The following SLC24A1 variants were observed in gnomAD, a reference collection of about 807,000 sequenced individuals.
SLC24A1 encodes solute carrier family 24 member 1.
SLC24A1 carries 52 observed loss-of-function variants against 88.1 expected under a neutral mutation model. That is an observed-to-expected ratio of 0.59 (90% CI 0.47 to 0.74). The LOEUF is 0.74. SLC24A1 is among the 30% of genes least tolerant of loss of function. SLC24A1 has a pLI of 0.00. For synonymous variants in SLC24A1, 455 were observed against 498.0 expected (o/e 0.91, Z 1.15); for missense variants, 1,173 against 1,363.3 (o/e 0.86, Z 2.20).
chr15:65,652,630 G>A lies in SLC24A1; in HGVS notation c.2884-12G>A. ...GGTTTTTCACCTACTGTTGACCGTTGCCGTTTACCAGGTTGGTGAAACAAT... is the reference window on the plus strand; with the variant it reads ...GGTTTTTCACCTACTGTTGACCGTTACCGTTTACCAGGTTGGTGAAACAAT... On this transcript the variant is annotated splice_polypyrimidine_tract_variant and intron_variant, in intron 8 of 9. Coordinates refer to ENST00000261892, the MANE Select transcript of SLC24A1 (RefSeq NM_004727.3). 1 of 1,613,264 alleles carries A rather than the reference G, an allele frequency of 6.2e-7. No homozygotes were observed.
Position 65,644,476 on chromosome 15 carries a change from A to G in SLC24A1, c.2103A>G (p.Arg701=), listed in dbSNP as rs1358113812. ...AGGAGAGCTTGAATCAAGGGGCCAG[A>G]GCCCAACCCCAGGCCAAAGCAGAAA... ...KEEESLNQGA[R]AQPQAKAESK... is the part of the protein sequence containing the mutation. Residue 701 remains arginine, a synonymous_variant, in exon 5 of 10, where the codon AGA becomes AGG. Coordinates refer to ENST00000261892, the MANE Select transcript of SLC24A1 (RefSeq NM_004727.3). The G allele has an allele frequency of 6.3e-7, 1 of 1,597,096 alleles. No individual in the cohort carries two copies. Among genetic ancestry groups the G allele is most frequent in the African/African-American group, 1.3e-5 (1 of 74,664 alleles).
At position 65,624,902 on chromosome 15, in the gene SLC24A1, C is replaced by T. The variant is rs532760023; in HGVS notation, c.822C>T (p.Ser274=). ...CAAACGTCTTGACTTCTCCAAGGAGCGTCATGGAAAAAAACAACCTGTTTC... is the reference window on the plus strand; with the variant it reads ...CAAACGTCTTGACTTCTCCAAGGAGTGTCATGGAAAAAAACAACCTGTTTC... ...VEANVLTSPR[S]VMEKNNLFPP... is the part of the protein sequence containing the mutation. The change falls in exon 2 of 10, where the codon AGC becomes AGT. Residue 274 remains serine, a synonymous_variant. Coordinates refer to ENST00000261892, the MANE Select transcript of SLC24A1 (RefSeq NM_004727.3). 5.6e-6 allele frequency: 9 copies of T among 1,613,346 alleles called. No homozygotes were observed. Among genetic ancestry groups the T allele is most frequent in the South Asian group, 1.1e-5 (1 of 91,026 alleles).
Position 65,654,842 on chromosome 15 carries a change from C to A in SLC24A1, c.*763C>A. The A allele has an allele frequency of 1.9e-6, 2 of 1,062,948 alleles. No homozygotes were observed. Among genetic ancestry groups the A allele is most frequent in the South Asian group, 1.6e-5 (1 of 63,592 alleles). The allele number at this position is 1,062,948 out of a possible 1,614,324, so 65.8% of individuals were successfully genotyped here. ...TGCCTCAGCCTGAAGTCGTGATCTG[C>A]CCGCCTCGGCCTCCCAAAGTGCTGG... On this transcript the variant is annotated 3_prime_UTR_variant, in exon 10 of 10. Coordinates refer to ENST00000261892, the MANE Select transcript of SLC24A1 (RefSeq NM_004727.3).
At position 65,654,925 on chromosome 15, in the gene SLC24A1, G is replaced by A; in HGVS notation, c.*846G>A. ...TACCAGTATTTTCTAGTTTAAAGGA[G>A]GACTACATTAACTCTTATTGTTGTG... On this transcript the variant is annotated 3_prime_UTR_variant, in exon 10 of 10. Transcript: ENST00000261892. 2 of 1,093,062 alleles carry A rather than the reference G, an allele frequency of 1.8e-6. No individual in the cohort carries two copies. Among genetic ancestry groups the A allele is most frequent in the South Asian group, 2.2e-5 (1 of 45,150 alleles). The allele number at this position is 1,093,062 out of a possible 1,614,324, so 67.7% of individuals were successfully genotyped here. A position where few individuals can be genotyped will look rare whatever the true frequency, so the allele number is the denominator to read the frequency against.
At chr15:65,623,906 C>A (rs2141453820) in intron 1 of SLC24A1, 49 bp from the exon 2 acceptor site, 2 of 552,884 alleles carry the variant, frequency 3.6e-6, no homozygotes, top group South Asian at 3.3e-5. Context: ...TGTTATGGAT[C>A]CCAGATCTCC....
Position 65,625,137 on chromosome 15 carries a change from A to C in SLC24A1, c.1057A>C (p.Ser353Arg), listed in dbSNP as rs1322149179. ...TCTTAGGAATCCTTCACCCAGGACCAGTGTATCAGCCATCAAAACAGCCCC... is the reference window on the plus strand; with the variant it reads ...TCTTAGGAATCCTTCACCCAGGACCCGTGTATCAGCCATCAAAACAGCCCC... ...WSLRNPSPRTSVSAIKTAPAI... is the reference protein window; with the variant it reads ...WSLRNPSPRTRVSAIKTAPAI... Residue 353 changes from serine (S) to arginine (R), a missense_variant, in exon 2 of 10, where the codon AGT (serine) becomes CGT (arginine). Ser to Arg is a moderately radical substitution (Grantham distance 110). Coordinates refer to ENST00000261892, the MANE Select transcript of SLC24A1 (RefSeq NM_004727.3). 1.2e-6 allele frequency: 2 copies of C among 1,613,690 alleles called. No individual in the cohort carries two copies. The highest frequency in any genetic ancestry group is 2.7e-5 in the African/African-American group (2 of 75,038).
At chr15:65,645,470 C>A in intron 5 of SLC24A1, 142 bp from the exon 6 acceptor site, 4 of 698,616 alleles carry the variant, frequency 5.7e-6, no homozygotes, top group African/African-American at 5.3e-5. Context: ...CTTACTTTTC[C>A]TACCAACAAG....
rs1416599208 is a variant in SLC24A1 at position 65,652,657 on chromosome 15, G to A, written c.2899G>A (p.Gly967Arg). The A allele has an allele frequency of 4.3e-6, 7 of 1,613,840 alleles. No individual in the cohort carries two copies. The highest frequency in any genetic ancestry group is 1.3e-5 in the African/African-American group (1 of 74,918). ...CGTTTACCAGGTTGGTGAAACAATA[G>A]GGATTTCTGAAGAGATCATGGGCCT... is the stretch of plus-strand genomic sequence containing the variant. ...WWAHQVGETI[G>R]ISEEIMGLTI... Residue 967 changes from glycine to arginine, a missense_variant, in exon 9 of 10, where the codon GGG becomes AGG. Physicochemically the swap from Gly to Arg is moderately radical, Grantham distance 125. Transcript: ENST00000261892.
chr15:65,632,064 T>C (rs1300164781), intron 2 of SLC24A1, among the ~76,000 whole-genome samples: 2 of 152,068 alleles, frequency 1.3e-5, no homozygotes, highest in Non-Finnish European at 2.9e-5. Context: ...TCTCTTGACC[T>C]TGTGATCTGC....
chr15:65,650,720 G>A lies in SLC24A1; in HGVS notation c.2571G>A (p.Gly857=), dbSNP rs780204923. ...GVEDGGGSDG[G]DSEEEEEEEE... is the part of the protein sequence containing the mutation. Reference sequence around the variant, plus strand: ...AAGATGGAGGGGGAAGTGATGGAGGGGATAGCGAAGAGGAGGAAGAGGAGG... The same window carrying A: ...AAGATGGAGGGGGAAGTGATGGAGGAGATAGCGAAGAGGAGGAAGAGGAGG... The change falls in exon 7 of 10, where the codon GGG becomes GGA. Residue 857 remains glycine, a synonymous_variant. Transcript: ENST00000261892. This position sits in a 1 kb window ranked among gnomAD's most constrained non-coding sequence, Gnocchi z 4.1. 9 of 1,568,132 alleles carry A rather than the reference G, an allele frequency of 5.7e-6. No individual in the cohort carries two copies. The highest frequency in any genetic ancestry group is 2.3e-5 in the South Asian group (2 of 85,564).
chr15:65,646,701 C>G (rs993179869), intron 6 of SLC24A1, among the ~76,000 whole-genome samples: 4 of 152,200 alleles, frequency 2.6e-5, no homozygotes, highest in African/African-American at 9.6e-5. Flanking sequence ...ATGCCTGGTG[C>G]ACAGCTGGCT....
Position 65,655,625 on chromosome 15 carries a change from A to G in SLC24A1, c.*1546A>G. 3.0e-6 allele frequency: 3 copies of G among 985,394 alleles called. No individual in the cohort carries two copies. The highest frequency in any genetic ancestry group is 3.6e-6 in the Non-Finnish European group (3 of 829,900). 61.0% of individuals were successfully genotyped at this position (985,394 alleles called of 1,614,324 possible). A position where few individuals can be genotyped will look rare whatever the true frequency, so the allele number is the denominator to read the frequency against. On this transcript the variant is annotated 3_prime_UTR_variant, in exon 10 of 10. Coordinates refer to ENST00000261892, the MANE Select transcript of SLC24A1 (RefSeq NM_004727.3). The stretch of plus-strand genomic sequence containing the variant: ...TGAGCTCGGGTGACTGCAGATTATG[A>G]TGGTAAATATGGCTTTAATTACAAA...
intron 2 of SLC24A1, among the ~76,000 whole-genome samples, chr15:65,614,070 C>T (rs1178280367): frequency 6.6e-6 from 1 of 152,100 alleles, no homozygotes; most frequent in East Asian, 1.9e-4. Flanking sequence ...AAATATGACC[C>T]TTCTGTCTTC....
chr15:65,649,923 T>C (rs1468958828), intron 6 of SLC24A1, among the ~76,000 whole-genome samples: 1 of 152,194 alleles, frequency 6.6e-6, no homozygotes, highest in Non-Finnish European at 1.5e-5. Context: ...GCCCTCCTCC[T>C]GGGATATAAG....
Position 65,625,367 on chromosome 15 carries a change from C to T in SLC24A1, c.1287C>T (p.Pro429=), listed in dbSNP as rs769956786. Reference sequence around the variant, plus strand: ...GTCCTAGTCCCTCAGTGCTGCCTCCCAGCTTGCCAGACCTCCACCCCAAGG... The same window carrying T: ...GTCCTAGTCCCTCAGTGCTGCCTCCTAGCTTGCCAGACCTCCACCCCAAGG... ...ELSPSPSVLP[P]SLPDLHPKGE... Residue 429 remains proline (P), a synonymous_variant, in exon 2 of 10, where the codon CCC becomes CCT. Transcript: ENST00000261892. The T allele has an allele frequency of 2.7e-5, 43 of 1,613,914 alleles. No homozygotes were observed. The highest frequency in any genetic ancestry group is 4.0e-5 in the African/African-American group (3 of 74,946).
intron 8 of SLC24A1, 181 bp from the exon 9 acceptor site, chr15:65,652,461 G>T (rs972747544): frequency 1.8e-6 from 1 of 553,472 alleles, no homozygotes; most frequent in Non-Finnish European, 3.2e-6. Context: ...CAGGAGTCTT[G>T]CTTGCTCTTC....
In SLC24A1 at chr15:65,645,706, A is replaced by C. The variant is rs2141660143; in HGVS notation, c.2232+3A>C. ...AGAAGGAGAATCCAGGCGGTCAGGTAGGCACCCAGCCTTGGCACAGACAAA... is the reference window on the plus strand; with the variant it reads ...AGAAGGAGAATCCAGGCGGTCAGGTCGGCACCCAGCCTTGGCACAGACAAA... On this transcript the variant is annotated splice_donor_region_variant and intron_variant, in intron 6 of 9. Coordinates refer to ENST00000261892, the MANE Select transcript of SLC24A1 (RefSeq NM_004727.3). 1.3e-6 allele frequency: 2 copies of C among 1,564,490 alleles called. No homozygotes were observed. Among genetic ancestry groups the C allele is most frequent in the East Asian group, 4.8e-5 (2 of 41,928 alleles).
intron 4 of SLC24A1, among the ~76,000 whole-genome samples, chr15:65,642,226 C>T (rs2075152812): frequency 6.6e-6 from 1 of 152,166 alleles, no homozygotes; most frequent in Non-Finnish European, 1.5e-5. Flanking sequence ...TCCAGATGGC[C>T]GTCCAGATGT....
chr15:65,618,076 C>G (rs2074206417), upstream of SLC24A1, among the ~76,000 whole-genome samples: 1 of 152,198 alleles, frequency 6.6e-6, no homozygotes, highest in Non-Finnish European at 1.5e-5. Context: ...CCATACATAT[C>G]TCCCTGCCTC....
Sources: allele counts gnomAD v4.1 joint callset (sites outside exome capture counted in the v4.1 genomes callset), GRCh38; gene constraint gnomAD v4.1.1; non-coding constraint Gnocchi (gnomAD v3.1); transcripts MANE v1.5; gene names NCBI Gene and HGNC (gene_info 2026-07-23, HGNC 2026-07-21).